The following INO80 variants were observed in gnomAD, a reference collection of about 807,000 sequenced individuals.
INO80 encodes the protein chromatin-remodeling ATPase INO80.
A neutral mutation model predicts 203.4 loss-of-function variants in INO80; 20 were observed. The observed-to-expected ratio is 0.10, with a 90% CI of 0.07 to 0.14. INO80 has a LOEUF of 0.14. INO80 is among the 10% of genes least tolerant of loss of function. The pLI, the probability that INO80 is intolerant of heterozygous loss-of-function variation, is 1.00. For synonymous variants in INO80, 726 were observed against 685.2 expected (o/e 1.06, Z -0.93); for missense variants, 1,419 against 1,914.4 (o/e 0.74, Z 4.83).
chr15:41,059,973 A>G lies in INO80; in HGVS notation c.1783-47T>C, dbSNP rs761023710. 16 of 1,210,570 alleles carry G rather than the reference A, an allele frequency of 1.3e-5. No homozygotes were observed. In the South Asian group the frequency reaches 2.0e-4, roughly 15 times the overall value. 75.0% of individuals were successfully genotyped at this position (1,210,570 alleles called of 1,614,324 possible). On this transcript the variant is annotated intron_variant, in intron 14 of 35. Transcript: ENST00000648947. Reference sequence around the variant, plus strand: ...ACATTACTTTCTATAGATGATCTTAAAAGTATTAGAACAAATATATAATTC... The same window carrying G: ...ACATTACTTTCTATAGATGATCTTAGAAGTATTAGAACAAATATATAATTC...
At chr15:41,087,534 T>C in intron 6 of INO80, 28 bp downstream of exon 6, 4 of 1,611,524 alleles carry the variant, frequency 2.5e-6, no homozygotes, top group African/African-American at 1.3e-5. Context: ...AGAATGAATA[T>C]ACGTGGAAGG....
At chr15:41,046,152 T>C (rs1483014898) in intron 23 of INO80, among the ~76,000 whole-genome samples, 1 of 118,418 alleles carries the variant, frequency 8.4e-6, no homozygotes, top group East Asian at 2.8e-4. Flanking sequence ...TTAAGGGGTG[T>C]GTGTGTGTCT....
intron 1 of INO80, among the ~76,000 whole-genome samples, chr15:41,097,121 G>C (rs896904564): frequency 1.3e-5 from 2 of 151,878 alleles, no homozygotes; most frequent in African/African-American, 4.8e-5. Context: ...ACGGAGTCTC[G>C]CTCTGTCACC....
chr15:40,985,454 T>A, intron 31 of INO80, 28 bp from the exon 32 acceptor site: 10 of 1,340,592 alleles, frequency 7.5e-6, no homozygotes, highest in Non-Finnish European at 1.1e-5. Flanking sequence ...TAAGACCTGA[T>A]GAAGTACCTG....
At chr15:41,023,095 T>C in intron 25 of INO80, 1 of 312,904 alleles carries the variant, frequency 3.2e-6, no homozygotes, top group Non-Finnish European at 6.0e-6. Context: ...GGTGACAGAC[T>C]GTCTCAAAAA....
At chr15:41,079,672 G>T (rs1199279399) in intron 9 of INO80, 29 bp downstream of exon 9, 1 of 1,602,746 alleles carries the variant, frequency 6.2e-7, no homozygotes. Flanking sequence ...AGTAATTAGG[G>T]TTTTCAAAAT....
chr15:41,060,500 G>A (rs918231239), intron 14 of INO80, among the ~76,000 whole-genome samples: 3 of 151,744 alleles, frequency 2.0e-5, no homozygotes, highest in African/African-American at 4.8e-5. Flanking sequence ...GTTGCAGTGA[G>A]CAGAGATGGC....
Position 41,092,200 on chromosome 15 carries a change from A to G in INO80, c.382-18T>C. The G allele has an allele frequency of 6.4e-7, 1 of 1,564,736 alleles. No homozygotes were observed. The highest frequency in any genetic ancestry group is 2.3e-5 in the East Asian group (1 of 43,962). On this transcript the variant is annotated intron_variant, in intron 4 of 35. Coordinates refer to ENST00000648947, the MANE Select transcript of INO80 (RefSeq NM_017553.3). ...AGAATGCTCTGAAAAGGGTGAAAAT[A>G]GAAATGTATCTTTTGCTGTGAAGCA... is the stretch of plus-strand genomic sequence containing the variant.
At chr15:41,111,234 T>C (rs1596334774) in intron 1 of INO80, among the ~76,000 whole-genome samples, 1 of 152,080 alleles carries the variant, frequency 6.6e-6, no homozygotes. Flanking sequence ...TCACCTGAGG[T>C]CAGGAGTTCC....
In INO80 at chr15:40,979,128, T is replaced by A. The variant is rs1341552721; in HGVS notation, c.*1095A>T. On this transcript the variant is annotated 3_prime_UTR_variant, in exon 36 of 36. Coordinates refer to ENST00000648947, the MANE Select transcript of INO80 (RefSeq NM_017553.3). ...TATACCCCCTACTCCAAAAAAGTTT[T>A]AAAAATCAATCTATCGAAACTCAAT... 1.3e-5 allele frequency: 2 copies of A among 152,594 alleles called. No individual in the cohort carries two copies. The highest frequency in any genetic ancestry group is 2.9e-5 in the Non-Finnish European group (2 of 68,016). 9.5% of individuals were successfully genotyped at this position (152,594 alleles called of 1,614,324 possible). A position where few individuals can be genotyped will look rare whatever the true frequency, so the allele number is the denominator to read the frequency against.
At chr15:41,076,401 CA>C (rs2045403383) in intron 9 of INO80, among the ~76,000 whole-genome samples, 1 of 151,396 alleles carries the variant, frequency 6.6e-6, no homozygotes, top group Admixed American at 6.6e-5. Flanking sequence ...ACCTATATTT[CA>C]TCTGTGATAA....
intron 1 of INO80, among the ~76,000 whole-genome samples, chr15:41,096,633 TG>T (rs1320263686): frequency 1.3e-5 from 2 of 152,166 alleles, no homozygotes; most frequent in African/African-American, 4.8e-5. Context: ...TATCTTAAAA[TG>T]TATACCCACT....
At chr15:41,033,516 C>T (rs1357355806) in intron 24 of INO80, among the ~76,000 whole-genome samples, 2 of 152,044 alleles carry the variant, frequency 1.3e-5, no homozygotes, top group East Asian at 3.8e-4. Context: ...CAAAATCACA[C>T]TCTTTATCCA....
At chr15:41,023,418 A>G in intron 25 of INO80, 3 of 450,802 alleles carry the variant, frequency 6.7e-6, no homozygotes, top group Middle Eastern at 6.7e-4. Context: ...AAATATGACC[A>G]GTTCTATATG....
chr15:41,091,038 C>A (rs1035017922), intron 5 of INO80, among the ~76,000 whole-genome samples: 2 of 151,644 alleles, frequency 1.3e-5, no homozygotes, highest in Non-Finnish European at 2.9e-5. Flanking sequence ...GATTCTCCTG[C>A]CTCAGCCTCC....
At chr15:41,005,506 T>C in intron 28 of INO80, 87 bp downstream of exon 28, 2 of 644,086 alleles carry the variant, frequency 3.1e-6, no homozygotes, top group Non-Finnish European at 2.7e-6. Flanking sequence ...TCAGATGTCC[T>C]GGCATTTAAA....
At chr15:41,070,321 C>A in intron 13 of INO80, 146 bp downstream of exon 13, 2 of 687,494 alleles carry the variant, frequency 2.9e-6, no homozygotes, top group Middle Eastern at 5.2e-4. Context: ...AAAACACTGT[C>A]CCCTTATAAA....
At chr15:41,002,047 T>C (rs1222995947) in intron 28 of INO80, among the ~76,000 whole-genome samples, 2 of 152,190 alleles carry the variant, frequency 1.3e-5, no homozygotes, top group African/African-American at 4.8e-5. Context: ...GATTACTTCT[T>C]TGCCATAATC....
intron 25 of INO80, among the ~76,000 whole-genome samples, chr15:41,021,421 A>G (rs2044293117): frequency 6.6e-6 from 1 of 152,224 alleles, no homozygotes; most frequent in Non-Finnish European, 1.5e-5. Flanking sequence ...ATGCATATAT[A>G]TCTGATCATT....
Sources: gnomAD v4.1 joint callset for allele counts (sites outside exome capture counted in the v4.1 genomes callset) on GRCh38, gnomAD v4.1.1 for gene constraint, MANE v1.5 for transcripts, NCBI Gene and HGNC (gene_info 2026-07-23, HGNC 2026-07-21) for gene names.